The following SNAPC1 variants were observed in gnomAD, a reference collection of about 807,000 sequenced individuals.
SNAPC1 encodes snRNA-activating protein complex subunit 1.
SNAPC1 carries 42 observed loss-of-function variants against 50.1 expected under a neutral mutation model. That is an observed-to-expected ratio of 0.84 (90% CI 0.65 to 1.08). SNAPC1 has a LOEUF of 1.08. SNAPC1 is among the 50% of genes least tolerant of loss of function. The probability of loss-of-function intolerance (pLI) is 0.00; values close to 1 mark genes in which losing one functional copy is unlikely to be tolerated. For synonymous variants in SNAPC1, 164 were observed against 144.2 expected (o/e 1.14, Z -0.98); for missense variants, 477 against 427.3 (o/e 1.12, Z -1.02).
intron 8 of SNAPC1, among the ~76,000 whole-genome samples, chr14:61,785,774 C>CTAAT (rs2045111630): frequency 6.6e-6 from 1 of 152,074 alleles, no homozygotes; most frequent in Non-Finnish European, 1.5e-5. Flanking sequence ...ACAAATAATA[C>CTAAT]GCAATTTACT....
chr14:61,792,804 T>C lies in SNAPC1; in HGVS notation c.977-3T>C, dbSNP rs771482959. 2 of 1,450,366 alleles carry C rather than the reference T, an allele frequency of 1.4e-6. No individual in the cohort carries two copies. Among genetic ancestry groups the C allele is most frequent in the Non-Finnish European group, 1.9e-6 (2 of 1,063,502 alleles). The allele number at this position is 1,450,366 out of a possible 1,614,324, so 89.8% of individuals were successfully genotyped here. On this transcript the variant is annotated splice_region_variant and splice_polypyrimidine_tract_variant and intron_variant, in intron 8 of 9. Transcript: ENST00000216294. The stretch of plus-strand genomic sequence containing the variant: ...TATAAAATCATTTTCTAAATATTTC[T>C]AGGCAATGTGCAGAATATACACAAG...
chr14:61,764,414 T>C (rs759335454), intron 1 of SNAPC1, among the ~76,000 whole-genome samples: 3 of 152,240 alleles, frequency 2.0e-5, no homozygotes, highest in Non-Finnish European at 4.4e-5. Context: ...AAGAGCTGTT[T>C]GTTGTACAGT....
chr14:61,793,398 A>G (rs2045166518), intron 9 of SNAPC1, among the ~76,000 whole-genome samples: 2 of 151,856 alleles, frequency 1.3e-5, no homozygotes, highest in Admixed American at 6.6e-5. Flanking sequence ...ACATGCCACC[A>G]TGCCTGGCTA....
intron 1 of SNAPC1, among the ~76,000 whole-genome samples, chr14:61,764,446 T>G (rs938301838): frequency 6.6e-6 from 1 of 152,242 alleles, no homozygotes; most frequent in East Asian, 1.9e-4. Flanking sequence ...GAGAGACTTT[T>G]TTTTTTAAAT....
chr14:61,781,077 C>T (rs527906581), intron 7 of SNAPC1, among the ~76,000 whole-genome samples: 1 of 152,220 alleles, frequency 6.6e-6, no homozygotes, highest in African/African-American at 2.4e-5. Context: ...ATTTGAGCTT[C>T]TCTGGATTTT....
At chr14:61,789,388 A>G (rs2045137060) in intron 8 of SNAPC1, among the ~76,000 whole-genome samples, 1 of 152,196 alleles carries the variant, frequency 6.6e-6, no homozygotes, top group South Asian at 2.1e-4. Context: ...AAATATACAT[A>G]CATACACACA....
chr14:61,767,528 A>G (rs1484416917), intron 3 of SNAPC1, among the ~76,000 whole-genome samples, 176 bp downstream of exon 3: 1 of 151,668 alleles, frequency 6.6e-6, no homozygotes, highest in Non-Finnish European at 1.5e-5. Flanking sequence ...CAGTGGCACC[A>G]TCTCGGCTGA....
chr14:61,778,873 C>A lies in SNAPC1; in HGVS notation c.788C>A (p.Ala263Glu), dbSNP rs762346560. The change falls in exon 7 of 10, where the codon GCG becomes GAG. Residue 263 changes from alanine to glutamate, a missense_variant. Ala to Glu is a moderately radical substitution (Grantham distance 107). Coordinates refer to ENST00000216294, the MANE Select transcript of SNAPC1 (RefSeq NM_003082.4). ...AGATGTGAAAGGGCAGAATCATTAGCGAAAATAAAATCAAAGGCCTTTTCA... is the reference window on the plus strand; with the variant it reads ...AGATGTGAAAGGGCAGAATCATTAGAGAAAATAAAATCAAAGGCCTTTTCA... ...TERCERAESLAKIKSKAFSVV... is the reference protein window; with the variant it reads ...TERCERAESLEKIKSKAFSVV... 1.3e-6 allele frequency: 2 copies of A among 1,555,066 alleles called. No individual in the cohort carries two copies. Among genetic ancestry groups the A allele is most frequent in the South Asian group, 1.2e-5 (1 of 80,836 alleles).
intron 4 of SNAPC1, among the ~76,000 whole-genome samples, chr14:61,773,702 T>A (rs1457637849): frequency 1.3e-5 from 2 of 150,498 alleles, no homozygotes; most frequent in Admixed American, 6.6e-5. Flanking sequence ...GGCCTTTTTT[T>A]TTTTTTTATT....
chr14:61,769,752 A>G (rs1020807653), intron 4 of SNAPC1, among the ~76,000 whole-genome samples: 3 of 152,160 alleles, frequency 2.0e-5, no homozygotes, highest in Non-Finnish European at 4.4e-5. Context: ...CAGTGAGTCT[A>G]TTTTGATAAT....
At chr14:61,788,628 A>T (rs111753116) in intron 8 of SNAPC1, among the ~76,000 whole-genome samples, 3 of 152,222 alleles carry the variant, frequency 2.0e-5, no homozygotes, top group Non-Finnish European at 4.4e-5. Flanking sequence ...AAATTAAAAC[A>T]TGATTTTTAT....
Position 61,778,096 on chromosome 14 carries a change from AATG to A in SNAPC1, c.722_724del (p.Asp241del). The stretch of plus-strand genomic sequence containing the variant: ...GAATCCATCCTTAAAGTCAAAAACT[AATG>A]ATGGAGAAGAAAAAATGGAAGGAAA... On this transcript the variant is annotated inframe_deletion, in exon 6 of 10. Transcript: ENST00000216294. The A allele has an allele frequency of 6.2e-7, 1 of 1,603,192 alleles. No homozygotes were observed.
At chr14:61,791,967 A>G (rs2045155040) in intron 8 of SNAPC1, among the ~76,000 whole-genome samples, 1 of 152,118 alleles carries the variant, frequency 6.6e-6, no homozygotes, top group Non-Finnish European at 1.5e-5. Flanking sequence ...ATTGTAGTGA[A>G]CATCTTTCTG....
intron 8 of SNAPC1, among the ~76,000 whole-genome samples, chr14:61,788,839 T>A (rs1438751111): frequency 2.6e-5 from 4 of 152,210 alleles, no homozygotes; most frequent in Non-Finnish European, 5.9e-5. Flanking sequence ...GGAAATTCAT[T>A]GCAGGATTAT....
intron 6 of SNAPC1, among the ~76,000 whole-genome samples, chr14:61,778,365 A>G (rs934964949): frequency 2.6e-5 from 4 of 152,236 alleles, no homozygotes; most frequent in African/African-American, 9.6e-5. Flanking sequence ...TTGACTATGG[A>G]AAGTGCCCTC....
chr14:61,778,902 G>C lies in SNAPC1; in HGVS notation c.817G>C (p.Val273Leu). ...AKIKSKAFSVVIQASKSRRHR... is the reference protein window; with the variant it reads ...AKIKSKAFSVLIQASKSRRHR... ...AATAAAATCAAAGGCCTTTTCAGTTGTCATACAGGTAAGTTATTCTTTAAT... is the reference window on the plus strand; with the variant it reads ...AATAAAATCAAAGGCCTTTTCAGTTCTCATACAGGTAAGTTATTCTTTAAT... Residue 273 changes from valine (V) to leucine (L), a missense_variant, in exon 7 of 10, where the codon GTC becomes CTC. By Grantham distance (32) the Val-to-Leu change is conservative. Transcript: ENST00000216294. 1 of 1,529,950 alleles carries C rather than the reference G, an allele frequency of 6.5e-7. No individual in the cohort carries two copies. The highest frequency in any genetic ancestry group is 8.9e-7 in the Non-Finnish European group (1 of 1,129,698). The allele number at this position is 1,529,950 out of a possible 1,614,324, so 94.8% of individuals were successfully genotyped here.
chr14:61,794,933 A>T lies in SNAPC1; in HGVS notation c.1073-16A>T. 1 of 1,571,678 alleles carries T rather than the reference A, an allele frequency of 6.4e-7. No homozygotes were observed. ...TGTTTTTAGATCTGACTGACTTTTA[A>T]ACTTTATGTCTTTAGAGTTCACTGC... On this transcript the variant is annotated splice_polypyrimidine_tract_variant and intron_variant, in intron 9 of 9. Coordinates refer to ENST00000216294, the MANE Select transcript of SNAPC1 (RefSeq NM_003082.4).
chr14:61,782,729 G>A (rs983850605), intron 8 of SNAPC1, among the ~76,000 whole-genome samples: 1 of 152,078 alleles, frequency 6.6e-6, no homozygotes, highest in Admixed American at 6.6e-5. Flanking sequence ...GGCCAACATG[G>A]TGAAACCCTG....
At chr14:61,791,366 A>G (rs1172346063) in intron 8 of SNAPC1, among the ~76,000 whole-genome samples, 3 of 152,172 alleles carry the variant, frequency 2.0e-5, no homozygotes, top group Non-Finnish European at 4.4e-5. Context: ...AATATATTGC[A>G]TTCTCTTTTA....
Sources: allele counts gnomAD v4.1 joint callset (sites outside exome capture counted in the v4.1 genomes callset), GRCh38; gene constraint gnomAD v4.1.1; transcripts MANE v1.5; gene names NCBI Gene and HGNC (gene_info 2026-07-23, HGNC 2026-07-21).